PARK7: variants seen among roughly 807,000 people sequenced by gnomAD.
PARK7 encodes Parkinson disease protein 7.
In PARK7, 14 loss-of-function variants were observed where a neutral mutation model predicts 20.5. That is an observed-to-expected ratio of 0.68 (90% CI 0.45 to 1.07). The LOEUF (loss-of-function observed/expected upper bound fraction) is 1.07, where lower values mean the gene tolerates loss of function less well. Ranked by LOEUF, PARK7 falls within the 50% of genes least tolerant of loss-of-function variation. The pLI, the probability that PARK7 is intolerant of heterozygous loss-of-function variation, is 0.00. For synonymous variants in PARK7, 98 were observed against 84.3 expected (o/e 1.16, Z -0.89); for missense variants, 234 against 238.1 (o/e 0.98, Z 0.11).
chr1:7,977,456 A>G (rs1640609145), intron 5 of PARK7, among the ~76,000 whole-genome samples, 196 bp from the exon 6 acceptor site: 1 of 152,070 alleles, frequency 6.6e-6, no homozygotes, highest in African/African-American at 2.4e-5. Context: ...TTGCTGTTGC[A>G]GTTTTTGTTG....
chr1:7,976,056 G>T (rs968694250), intron 5 of PARK7, among the ~76,000 whole-genome samples: 1 of 152,198 alleles, frequency 6.6e-6, no homozygotes, highest in African/African-American at 2.4e-5. Context: ...GGTAGTATTT[G>T]TGTGATCTTC....
At position 7,977,755 on chromosome 1, in the gene PARK7, TTTTG is replaced by T. The variant is rs751547694; in HGVS notation, c.409+33_409+36del. The T allele has an allele frequency of 4.8e-5, 77 of 1,608,022 alleles. No homozygotes were observed. The highest frequency in any genetic ancestry group is 3.3e-4 in the African/African-American group (25 of 74,884). On this transcript the variant is annotated intron_variant, in intron 6 of 6. Coordinates refer to ENST00000338639, the MANE Select transcript of PARK7 (RefSeq NM_007262.5). ...TGAATGGAGGTAAGTATATGCTTGT[TTTTG>T]TTTGTTTGTTTGTTTTTTGAGATGG...
At chr1:7,961,850 G>C (rs934135485) in intron 1 of PARK7, 57 bp downstream of exon 1, 3 of 152,142 alleles carry the variant, frequency 2.0e-5, no homozygotes, top group African/African-American at 7.3e-5. Context: ...GCGGCGTGGG[G>C]GTGCTGGACG....
In PARK7 at chr1:7,962,854, A is replaced by T; in HGVS notation, c.69A>T (p.Val23=). 1.2e-6 allele frequency: 2 copies of T among 1,613,286 alleles called. No homozygotes were observed. Among genetic ancestry groups the T allele is most frequent in the Non-Finnish European group, 1.7e-6 (2 of 1,179,818 alleles). The change falls in exon 2 of 7, where the codon GTA becomes GTT. Residue 23 remains valine, a synonymous_variant. Coordinates refer to ENST00000338639, the MANE Select transcript of PARK7 (RefSeq NM_007262.5). The stretch of plus-strand genomic sequence containing the variant: ...AGGAAATGGAGACGGTCATCCCTGT[A>T]GATGTCATGAGGCGAGCTGGGGTAA... The part of the protein sequence containing the change: ...GAEEMETVIP[V]DVMRRAGIKV...
At chr1:7,965,185 TA>T in intron 2 of PARK7, 138 bp from the exon 3 acceptor site, 1 of 735,202 alleles carries the variant, frequency 1.4e-6, no homozygotes, top group Middle Eastern at 3.7e-4. Context: ...GAGGCTGCAG[TA>T]AGCTATGATT....
At chr1:7,976,474 T>G (rs1003004565) in intron 5 of PARK7, among the ~76,000 whole-genome samples, 1 of 152,206 alleles carries the variant, frequency 6.6e-6, no homozygotes, top group African/African-American at 2.4e-5. Flanking sequence ...TTTCAGTGAA[T>G]ACATTTAAAT....
chr1:7,974,138 C>CCCG (rs1262387636), intron 5 of PARK7, among the ~76,000 whole-genome samples: 1 of 148,442 alleles, frequency 6.7e-6, no homozygotes, highest in Non-Finnish European at 1.5e-5. Flanking sequence ...AGTGAGACCC[C>CCCG]CCCACCGACC....
intron 5 of PARK7, among the ~76,000 whole-genome samples, chr1:7,972,693 C>T (rs983635405): frequency 7.2e-5 from 11 of 152,138 alleles, no homozygotes; most frequent in African/African-American, 2.4e-4. Context: ...CGTTTGAGGT[C>T]AGGAGTTCAA....
chr1:7,976,267 G>A (rs956747757), intron 5 of PARK7, among the ~76,000 whole-genome samples: 3 of 152,192 alleles, frequency 2.0e-5, no homozygotes, highest in Non-Finnish European at 2.9e-5. Flanking sequence ...GTTCTGAAAC[G>A]TATCCTTCTA....
intron 4 of PARK7, 91 bp downstream of exon 4, chr1:7,969,495 G>A (rs1362902953): frequency 1.1e-6 from 1 of 927,080 alleles, no homozygotes; most frequent in Non-Finnish European, 1.7e-6. Context: ...TGTTAATTTT[G>A]TTATTATTCA....
intron 6 of PARK7, among the ~76,000 whole-genome samples, chr1:7,983,755 A>G (rs1356254048): frequency 6.6e-6 from 1 of 152,226 alleles, no homozygotes; most frequent in Non-Finnish European, 1.5e-5. Flanking sequence ...AGCTGTAATC[A>G]TGCAGAGATC....
chr1:7,967,092 G>A (rs1640346396), intron 3 of PARK7, among the ~76,000 whole-genome samples: 1 of 152,020 alleles, frequency 6.6e-6, no homozygotes, highest in Non-Finnish European at 1.5e-5. Context: ...CCAGCCTCTA[G>A]TATCCTCTGT....
chr1:7,977,191 ATGTGGTCCCTGTT>A (rs1193417817), intron 5 of PARK7, among the ~76,000 whole-genome samples: 4 of 152,206 alleles, frequency 2.6e-5, no homozygotes, highest in African/African-American at 9.6e-5. Flanking sequence ...CTCCTGGTAT[ATGTGGTCCCTGTT>A]CTGGGGATGG....
chr1:7,968,893 A>C (rs1400603913), intron 3 of PARK7, among the ~76,000 whole-genome samples: 1 of 152,108 alleles, frequency 6.6e-6, no homozygotes, highest in Non-Finnish European at 1.5e-5. Flanking sequence ...GACACATATA[A>C]AGTCAAAATG....
At chr1:7,968,206 G>T (rs555540835) in intron 3 of PARK7, among the ~76,000 whole-genome samples, 7 of 150,964 alleles carry the variant, frequency 4.6e-5, no homozygotes, top group Non-Finnish European at 8.8e-5. Flanking sequence ...TGCTTGGGAG[G>T]CTGAGGCAGG....
chr1:7,974,959 G>A (rs1463859420), intron 5 of PARK7, among the ~76,000 whole-genome samples: 1 of 151,164 alleles, frequency 6.6e-6, no homozygotes, highest in Non-Finnish European at 1.5e-5. Flanking sequence ...AGGTTCAAGC[G>A]ATTCTCCTGC....
chr1:7,980,201 C>G (rs1640682446), intron 6 of PARK7, among the ~76,000 whole-genome samples: 2 of 151,464 alleles, frequency 1.3e-5, no homozygotes, highest in South Asian at 4.2e-4. Context: ...ATAAAAGTCT[C>G]TGGTTTCTGG....
In PARK7 at chr1:7,961,793, G is replaced by A. The variant is rs1640207712; in HGVS notation, c.-24G>A. 6.5e-6 allele frequency: 1 copy of A among 152,738 alleles called. No individual in the cohort carries two copies. Among genetic ancestry groups the A allele is most frequent in the Admixed American group, 6.5e-5 (1 of 15,282 alleles). The allele number at this position is 152,738 out of a possible 1,614,324, so 9.5% of individuals were successfully genotyped here. On this transcript the variant is annotated splice_region_variant and 5_prime_UTR_variant, in exon 1 of 7. Transcript: ENST00000338639. ...TCCGCAGGAAGAGGCGCGGGGTGCA[G>A]GTCAGCGCCAGCGGGGGCGCGGCGC...
chr1:7,984,721 A>G lies in PARK7; in HGVS notation c.410-173A>G. 1.4e-6 allele frequency: 1 copy of G among 738,826 alleles called. No individual in the cohort carries two copies. The highest frequency in any genetic ancestry group is 2.8e-5 in the East Asian group (1 of 36,204). The allele number at this position is 738,826 out of a possible 1,614,324, so 45.8% of individuals were successfully genotyped here. On this transcript the variant is annotated intron_variant, in intron 6 of 6. Transcript: ENST00000338639. The surrounding 1 kb of genome is among the most constrained non-coding windows in gnomAD (Gnocchi z 4.3). ...GTCACCCTTTGCTCTGCACAGTTTT[A>G]AAAATACCTTTGTAGGGGGCTTCTA...
Sources: allele counts gnomAD v4.1 joint callset (sites outside exome capture counted in the v4.1 genomes callset), GRCh38; gene constraint gnomAD v4.1.1; non-coding constraint Gnocchi (gnomAD v3.1); transcripts MANE v1.5; gene names NCBI Gene and HGNC (gene_info 2026-07-23, HGNC 2026-07-21).